The following ESS2 variants were observed in gnomAD, a reference collection of about 807,000 sequenced individuals.
ESS2 encodes splicing factor ESS-2 homolog.
Under a neutral mutation model 52.0 loss-of-function variants are expected in ESS2, and 31 were observed. That is an observed-to-expected ratio of 0.60 (90% CI 0.45 to 0.81). ESS2 has a LOEUF of 0.81. ESS2 is among the 30% of genes least tolerant of loss of function. The pLI is 0.00. For missense variants in ESS2, 602 were observed against 637.2 expected, an observed-to-expected ratio of 0.94 and a Z score of 0.59; for synonymous variants, 285 against 259.2, an observed-to-expected ratio of 1.10 and a Z score of -0.95.
rs2083593028 is a variant in ESS2, at chr22:19,136,977, G to A, written c.1035+346C>T. Among the ~76,000 whole-genome samples the A allele has an allele frequency of 2.0e-5, 3 of 152,102 alleles. No homozygotes were observed. The South Asian group carries it at 6.2e-4, about 32-fold the overall frequency. On this transcript the variant is annotated intron_variant, in intron 8 of 9. Transcript: ENST00000252137. ...TCCCAATCGTGTTCTGTAACCAGGG[G>A]CCTTCTCTACAAGCACACAGCCTCG...
In ESS2 at chr22:19,131,545, C is replaced by T. The variant is rs2146083581; in HGVS notation, c.*2651G>A. 6.2e-7 allele frequency: 1 copy of T among 1,614,170 alleles called. No individual in the cohort carries two copies. The highest frequency in any genetic ancestry group is 8.5e-7 in the Non-Finnish European group (1 of 1,180,034). The stretch of plus-strand genomic sequence containing the variant: ...AAGATCATCGACCGCAAGAAAACAC[C>T]TACTGACTTTGTGGAGAGATTCCTT... On this transcript the variant is annotated 3_prime_UTR_variant, in exon 10 of 10. Transcript: ENST00000252137. The surrounding 1 kb of genome is among the most constrained non-coding windows in gnomAD (Gnocchi z 5.7).
intron 8 of ESS2, among the ~76,000 whole-genome samples, chr22:19,136,232 C>T (rs78073829): frequency 0.016 from 2,438 of 150,976 alleles, 85 homozygotes; most frequent in East Asian, 0.061. Flanking sequence ...CGTGGTGGCA[C>T]GCGCCTGTAG....
At position 19,139,666 on chromosome 22, in the gene ESS2, T is replaced by C. The variant is rs1238153125; in HGVS notation, c.634A>G (p.Ser212Gly). Residue 212 changes from serine (S) to glycine (G), a missense_variant, in exon 5 of 10, where the codon AGT becomes GGT. Ser to Gly is a moderately conservative substitution (Grantham distance 56). Transcript: ENST00000252137. ...EHQAIESSQA[S>G]VETWKYKAKN... ...GCCTTGTACTTCCAGGTCTCCACAC[T>C]GGCCTGGCTGCTCTCGATGGCCTGG... 6.2e-6 allele frequency: 10 copies of C among 1,614,084 alleles called. No individual in the cohort carries two copies. Among genetic ancestry groups the C allele is most frequent in the Non-Finnish European group, 3.4e-6 (4 of 1,180,040 alleles).
At position 19,138,320 on chromosome 22, in the gene ESS2, G is replaced by A; in HGVS notation, c.823-3C>T. ...GGGCCCACCTTGCCCTGTTTGTGCTGGAACAAGCAGAGAGGCTGGCATCAG... is the reference window on the plus strand; with the variant it reads ...GGGCCCACCTTGCCCTGTTTGTGCTAGAACAAGCAGAGAGGCTGGCATCAG... On this transcript the variant is annotated splice_region_variant and splice_polypyrimidine_tract_variant and intron_variant, in intron 6 of 9. Transcript: ENST00000252137. 2 of 1,613,486 alleles carry A rather than the reference G, an allele frequency of 1.2e-6. No homozygotes were observed. Among genetic ancestry groups the A allele is most frequent in the East Asian group, 4.5e-5 (2 of 44,862 alleles).
chr22:19,140,683 G>A lies in ESS2; in HGVS notation c.401-659C>T, dbSNP rs188285904. ...TGCTGCGTGTGGTGGTGCAAACTTCGGTGGGGCCACCTGGAGAGCTCTGCC... is the reference window on the plus strand; with the variant it reads ...TGCTGCGTGTGGTGGTGCAAACTTCAGTGGGGCCACCTGGAGAGCTCTGCC... On this transcript the variant is annotated intron_variant, in intron 3 of 9. Coordinates refer to ENST00000252137, the MANE Select transcript of ESS2 (RefSeq NM_022719.3). Among the ~76,000 whole-genome samples the A allele has an allele frequency of 1.6e-4, 25 of 152,294 alleles. No individual in the cohort carries two copies. The East Asian group carries it at 4.6e-3, about 28-fold the overall frequency.
rs745642184 is a variant in ESS2 at position 19,139,285 on chromosome 22, A to G, written c.696T>C (p.Pro232=). 11 of 1,595,724 alleles carry G rather than the reference A, an allele frequency of 6.9e-6. No homozygotes were observed. ...NSLMYYPEGV[P]DEEQLFKKPR... is the part of the protein sequence containing the mutation. ...GCTTCTTAAACAGCTGCTCCTCGTC[A>G]GGGACACCTGGCAGACGAAGCAAAG... The change falls in exon 6 of 10, where the codon CCT becomes CCC. Residue 232 remains proline, a synonymous_variant. Coordinates refer to ENST00000252137, the MANE Select transcript of ESS2 (RefSeq NM_022719.3).
In ESS2 at chr22:19,134,061, T is replaced by G; in HGVS notation, c.*135A>C. ...CCAGTCTGGCCCCAGCACAGCCCCT[T>G]TCTCCAGTGACTCCTGGTATGGTCA... is the stretch of plus-strand genomic sequence containing the variant. On this transcript the variant is annotated 3_prime_UTR_variant, in exon 10 of 10. Coordinates refer to ENST00000252137, the MANE Select transcript of ESS2 (RefSeq NM_022719.3). 1 of 1,115,334 alleles carries G rather than the reference T, an allele frequency of 9.0e-7. No homozygotes were observed. Among genetic ancestry groups the G allele is most frequent in the Non-Finnish European group, 1.2e-6 (1 of 857,122 alleles). 69.1% of individuals were successfully genotyped at this position (1,115,334 alleles called of 1,614,324 possible).
Position 19,137,363 on chromosome 22 carries a change from TC to T in ESS2, c.994del (p.Glu332LysfsTer26), listed in dbSNP as rs1262781065. 6.2e-7 allele frequency: 1 copy of T among 1,613,848 alleles called. No individual in the cohort carries two copies. The highest frequency in any genetic ancestry group is 8.5e-7 in the Non-Finnish European group (1 of 1,179,870). ...GGGTGTCCTGTCCACGTAGGGCGTT[TC>T]CGACCCTTCAACTCTCAAGGGTGTG... ...ENTPLRVEGS[E>X]TPYVDRTPGP... On this transcript the variant is annotated frameshift_variant, in exon 8 of 10. Coordinates refer to ENST00000252137, the MANE Select transcript of ESS2 (RefSeq NM_022719.3). LOFTEE classifies it high-confidence loss of function.
In ESS2 at chr22:19,130,628, CCTTAA is replaced by C. The variant is rs975568955; in HGVS notation, c.*3563_*3567del. On this transcript the variant is annotated 3_prime_UTR_variant, in exon 10 of 10. Coordinates refer to ENST00000252137, the MANE Select transcript of ESS2 (RefSeq NM_022719.3). The stretch of plus-strand genomic sequence containing the variant: ...GATCTATTCAAACAGCTGCCTGTTC[CCTTAA>C]CTTGTCTTCAGATTTTGTCGACCCG... The C allele has an allele frequency of 9.6e-5, 33 of 343,708 alleles. No homozygotes were observed. Among genetic ancestry groups the C allele is most frequent in the Middle Eastern group, 9.3e-4 (1 of 1,076 alleles). 21.3% of individuals were successfully genotyped at this position (343,708 alleles called of 1,614,324 possible).
At chr22:19,143,367 T>C (rs529154317) in intron 1 of ESS2, among the ~76,000 whole-genome samples, 2 of 152,218 alleles carry the variant, frequency 1.3e-5, no homozygotes, top group African/African-American at 4.8e-5. Context: ...CACTTTCTAG[T>C]GGGGTTGAGC....
intron 8 of ESS2, among the ~76,000 whole-genome samples, chr22:19,135,428 G>C (rs1367997184): frequency 6.6e-6 from 1 of 152,224 alleles, no homozygotes; most frequent in African/African-American, 2.4e-5. Context: ...GGAAAAAGCA[G>C]TCTGTTTTAG....
At chr22:19,138,485 C>T (rs1357462975) in intron 6 of ESS2, 168 bp from the exon 7 acceptor site, 2 of 743,288 alleles carry the variant, frequency 2.7e-6, no homozygotes, top group Non-Finnish European at 4.9e-6. Context: ...GGCCCCTGCC[C>T]CAACCCCCCA....
In ESS2 at chr22:19,137,355, AG is replaced by A; in HGVS notation, c.1002del (p.Tyr335ThrfsTer23). 1 of 1,613,810 alleles carries A rather than the reference AG, an allele frequency of 6.2e-7. No individual in the cohort carries two copies. Among genetic ancestry groups the A allele is most frequent in the South Asian group, 1.1e-5 (1 of 91,072 alleles). ...TPLRVEGSET[P>X]YVDRTPGPAF... ...GCTGGGCCGGGTGTCCTGTCCACGT[AG>A]GGCGTTTCCGACCCTTCAACTCTCA... On this transcript the variant is annotated frameshift_variant, in exon 8 of 10. Coordinates refer to ENST00000252137, the MANE Select transcript of ESS2 (RefSeq NM_022719.3). LOFTEE classifies it high-confidence loss of function.
At chr22:19,137,855 C>T (rs1318649332) in intron 7 of ESS2, 2 of 985,326 alleles carry the variant, frequency 2.0e-6, no homozygotes, top group Non-Finnish European at 2.4e-6. Context: ...ACAAGACCAC[C>T]TGAGTTTCAC....
In ESS2 at chr22:19,130,760, T is replaced by C. The variant is rs878949515; in HGVS notation, c.*3436A>G. 2 of 209,948 alleles carry C rather than the reference T, an allele frequency of 9.5e-6. No individual in the cohort carries two copies. Among genetic ancestry groups the C allele is most frequent in the Admixed American group, 1.2e-4 (2 of 16,894 alleles). 13.0% of individuals were successfully genotyped at this position (209,948 alleles called of 1,614,324 possible). A position where few individuals can be genotyped will look rare whatever the true frequency, so the allele number is the denominator to read the frequency against. ...AGGCTCCTGCTGACCATGTTTCATT[T>C]CTAGCTTTGATGTCTGGGCACTGAT... On this transcript the variant is annotated 3_prime_UTR_variant, in exon 10 of 10. Coordinates refer to ENST00000252137, the MANE Select transcript of ESS2 (RefSeq NM_022719.3).
At chr22:19,144,144 C>T (rs762483048) in intron 1 of ESS2, 73 of 1,058,176 alleles carry the variant, frequency 6.9e-5, no homozygotes, top group South Asian at 3.3e-4. Context: ...GTCACAACTG[C>T]GGTCTCTTTC....
chr22:19,142,962 T>TG, intron 1 of ESS2, 68 bp from the exon 2 acceptor site: 1 of 1,465,902 alleles, frequency 6.8e-7, no homozygotes, highest in Non-Finnish European at 9.3e-7. Flanking sequence ...ATCCCAACAC[T>TG]TTGGGAGGCC....
intron 1 of ESS2, 38 bp downstream of exon 1, chr22:19,144,468 G>A: frequency 6.2e-7 from 1 of 1,610,572 alleles, no homozygotes; most frequent in East Asian, 2.2e-5. Context: ...AGCAGAGGAT[G>A]GGCCCAGAAG....
chr22:19,138,481 T>C (rs1399663535), intron 6 of ESS2, 164 bp from the exon 7 acceptor site: 1 of 753,324 alleles, frequency 1.3e-6, no homozygotes, highest in Non-Finnish European at 2.4e-6. Context: ...GGAGGGCCCC[T>C]GCCCCAACCC....
Sources: gnomAD v4.1 joint callset for allele counts (sites outside exome capture counted in the v4.1 genomes callset) on GRCh38, gnomAD v4.1.1 for gene constraint, Gnocchi (gnomAD v3.1) non-coding constraint, MANE v1.5 for transcripts, NCBI Gene and HGNC (gene_info 2026-07-23, HGNC 2026-07-21) for gene names.